CCNJL: variants seen among roughly 807,000 people sequenced by gnomAD.
CCNJL encodes the protein cyclin J like.
Under a neutral mutation model 33.4 loss-of-function variants are expected in CCNJL, and 33 were observed. The observed-to-expected ratio is 0.99, with a 90% CI of 0.75 to 1.32. The LOEUF (loss-of-function observed/expected upper bound fraction) is 1.32. Among genes scored for constraint, CCNJL ranks in the 40% most tolerant of loss-of-function variants. CCNJL has a pLI of 0.00. For synonymous variants in CCNJL, 227 were observed against 220.9 expected (o/e 1.03, Z -0.24); for missense variants, 512 against 499.7 (o/e 1.02, Z -0.23).
intron 3 of CCNJL, among the ~76,000 whole-genome samples, chr5:160,269,752 T>C (rs998848162): frequency 1.3e-5 from 2 of 152,154 alleles, no homozygotes; most frequent in Non-Finnish European, 2.9e-5. Context: ...TGAATCTTCC[T>C]GGCACAGCCA....
At chr5:160,286,102 C>T (rs1762397010) in intron 2 of CCNJL, among the ~76,000 whole-genome samples, 1 of 152,222 alleles carries the variant, frequency 6.6e-6, no homozygotes, top group African/African-American at 2.4e-5. Context: ...AGCCAAGTGA[C>T]CTTTGGCCGG....
chr5:160,302,205 T>G (rs543264234), intron 2 of CCNJL, among the ~76,000 whole-genome samples: 2 of 152,282 alleles, frequency 1.3e-5, no homozygotes, highest in African/African-American at 4.8e-5. Context: ...GATGAGTTAG[T>G]GAAATCATGA....
At chr5:160,321,066 CTTTCTTTCTTTCTTTCT>C (rs1763454417) in intron 1 of CCNJL, among the ~76,000 whole-genome samples, 6 of 121,208 alleles carry the variant, frequency 5.0e-5, no homozygotes, top group Non-Finnish European at 9.4e-5. Context: ...TTCTTTCTTT[CTTTCTTTCTTTCTTTCT>C]TTCTTTCCTT....
intron 1 of CCNJL, among the ~76,000 whole-genome samples, chr5:160,319,131 G>A (rs4324721): frequency 6.6e-6 from 1 of 152,112 alleles, no homozygotes; most frequent in Non-Finnish European, 1.5e-5. Context: ...TTTGTTTTAA[G>A]AGATGGAGTT....
At chr5:160,282,198 T>C (rs1034166437) in intron 2 of CCNJL, among the ~76,000 whole-genome samples, 1 of 152,204 alleles carries the variant, frequency 6.6e-6, no homozygotes, top group Admixed American at 6.5e-5. Flanking sequence ...AAGGGATATC[T>C]GCTCATTCAT....
chr5:160,318,224 C>G (rs1242802858), intron 1 of CCNJL, among the ~76,000 whole-genome samples: 1 of 152,152 alleles, frequency 6.6e-6, no homozygotes. Flanking sequence ...ACCATGTTGA[C>G]CAGGCTGGTG....
At chr5:160,291,282 A>G (rs1580993121) in intron 2 of CCNJL, among the ~76,000 whole-genome samples, 1 of 152,050 alleles carries the variant, frequency 6.6e-6, no homozygotes, top group African/African-American at 2.4e-5. Flanking sequence ...TTCAAAGGCA[A>G]TGTTTCCTAA....
chr5:160,309,942 G>A (rs1415410588), intron 2 of CCNJL, among the ~76,000 whole-genome samples: 1 of 152,184 alleles, frequency 6.6e-6, no homozygotes, highest in Non-Finnish European at 1.5e-5. Flanking sequence ...CTATGACATG[G>A]CTATAGCAGT....
intron 2 of CCNJL, among the ~76,000 whole-genome samples, chr5:160,296,276 A>G (rs892682777): frequency 6.6e-6 from 1 of 152,206 alleles, no homozygotes; most frequent in African/African-American, 2.4e-5. Context: ...AATGAACATC[A>G]ATTCCCTTCA....
upstream of CCNJL, among the ~76,000 whole-genome samples, chr5:160,314,949 C>T (rs939196236): frequency 6.6e-6 from 1 of 152,102 alleles, no homozygotes; most frequent in African/African-American, 2.4e-5. Flanking sequence ...TTCTGAAAGA[C>T]AACATAAATC....
At chr5:160,262,806 G>A (rs1354008110) in intron 3 of CCNJL, among the ~76,000 whole-genome samples, 1 of 152,222 alleles carries the variant, frequency 6.6e-6, no homozygotes, top group African/African-American at 2.4e-5. Context: ...TGCTGCACGT[G>A]CCTGGCAGAC....
rs1031976654 is a variant in CCNJL, at chr5:160,253,450, G to C, written c.1092C>G (p.Cys364Trp). ...AGCTGCTTCCATAGGTGGTGGCGAG[G>C]CAGTGCCTGGGCTCAGCTGCAATGG... is the stretch of plus-strand genomic sequence containing the variant. The part of the protein sequence containing the change: ...HMAIAAEPRH[C>W]LATTYGSSYF... Residue 364 changes from cysteine to tryptophan, a missense_variant, in exon 6 of 6, where the codon TGC becomes TGG. By Grantham distance (215) the Cys-to-Trp change is radical. Coordinates refer to ENST00000257536, the MANE Select transcript of CCNJL (RefSeq NM_001308173.3). 6.2e-7 allele frequency: 1 copy of C among 1,612,432 alleles called. No individual in the cohort carries two copies. The highest frequency in any genetic ancestry group is 8.5e-7 in the Non-Finnish European group (1 of 1,179,016).
At chr5:160,277,330 G>A (rs1402346396) in intron 3 of CCNJL, among the ~76,000 whole-genome samples, 2 of 152,176 alleles carry the variant, frequency 1.3e-5, no homozygotes, top group African/African-American at 2.4e-5. Context: ...CTGTGATGCC[G>A]ATGATTCAGG....
chr5:160,320,875 T>TTCTTTCTTTCTTTCTC, intron 1 of CCNJL, among the ~76,000 whole-genome samples: 1 of 144,484 alleles, frequency 6.9e-6, no homozygotes, highest in African/African-American at 2.6e-5. Flanking sequence ...CTTTCTCTCT[T>TTCTTTCTTTCTTTCTC]TCTTTCTTTT....
intron 2 of CCNJL, among the ~76,000 whole-genome samples, chr5:160,295,123 TC>T (rs1011638071): frequency 3.2e-4 from 48 of 152,242 alleles, no homozygotes; most frequent in Non-Finnish European, 6.5e-4. Context: ...AAAAGGGGGT[TC>T]CCCCCCGTAC....
intron 1 of CCNJL, among the ~76,000 whole-genome samples, chr5:160,318,536 C>A (rs1400186594): frequency 6.6e-6 from 1 of 152,226 alleles, no homozygotes; most frequent in Non-Finnish European, 1.5e-5. Flanking sequence ...GACCGGGGAA[C>A]CCTATCATAT....
intron 3 of CCNJL, among the ~76,000 whole-genome samples, chr5:160,265,126 G>A (rs976481586): frequency 3.9e-5 from 6 of 152,154 alleles, no homozygotes; most frequent in African/African-American, 9.7e-5. Flanking sequence ...AGGCTTGAGC[G>A]CGGCCCACCC....
chr5:160,300,582 T>G (rs1397867151), intron 2 of CCNJL, among the ~76,000 whole-genome samples: 2 of 152,166 alleles, frequency 1.3e-5, no homozygotes, highest in African/African-American at 4.8e-5. Flanking sequence ...GTTAGTGTAT[T>G]CTATGTGTGG....
chr5:160,312,253 C>A, intron 1 of CCNJL, 111 bp downstream of exon 1: 2 of 392,462 alleles, frequency 5.1e-6, no homozygotes, highest in South Asian at 6.5e-5. Flanking sequence ...CTAGCTCGCT[C>A]GAGGCTGGGG....
Sources: gnomAD v4.1 joint callset for allele counts (sites outside exome capture counted in the v4.1 genomes callset) on GRCh38, gnomAD v4.1.1 for gene constraint, MANE v1.5 for transcripts, NCBI Gene and HGNC (gene_info 2026-07-23, HGNC 2026-07-21) for gene names.